ITGA1: variants seen among roughly 807,000 people sequenced by gnomAD.
ITGA1 encodes the protein integrin alpha-1.
In ITGA1, 85 loss-of-function variants were observed where a neutral mutation model predicts 145.9. The observed-to-expected ratio is 0.58, with a 90% CI of 0.49 to 0.70. The LOEUF (loss-of-function observed/expected upper bound fraction) is 0.70. ITGA1 is among the 30% of genes least tolerant of loss of function. ITGA1 has a pLI of 0.00. For missense variants in ITGA1, 1,351 were observed against 1,418.7 expected, an observed-to-expected ratio of 0.95 and a Z score of 0.77; for synonymous variants, 520 against 495.3, an observed-to-expected ratio of 1.05 and a Z score of -0.66.
At chr5:52,884,192 C>T (rs1750009951) in intron 7 of ITGA1, among the ~76,000 whole-genome samples, 1 of 151,962 alleles carries the variant, frequency 6.6e-6, no homozygotes, top group African/African-American at 2.4e-5. Flanking sequence ...GCCTGTAATC[C>T]CAGCACTTTG....
At position 52,909,054 on chromosome 5, in the gene ITGA1, G is replaced by A. The variant is rs779628996; in HGVS notation, c.1599+13G>A. On this transcript the variant is annotated intron_variant, in intron 13 of 28. Transcript: ENST00000282588. Reference sequence around the variant, plus strand: ...TGCTCTCAATCAGGTAATGGTGTCTGAGTTTGGTAGAAATCCAGGAAAATC... The same window carrying A: ...TGCTCTCAATCAGGTAATGGTGTCTAAGTTTGGTAGAAATCCAGGAAAATC... 4 of 1,597,330 alleles carry A rather than the reference G, an allele frequency of 2.5e-6. No homozygotes were observed. In the Admixed American group the frequency reaches 5.4e-5, roughly 21 times the overall value.
At chr5:52,820,109 G>C (rs1418973258) in intron 1 of ITGA1, among the ~76,000 whole-genome samples, 1 of 151,898 alleles carries the variant, frequency 6.6e-6, no homozygotes, top group Non-Finnish European at 1.5e-5. Flanking sequence ...TTTTGGCTTA[G>C]GATTGACTTG....
At chr5:52,868,077 A>G (rs143816974) in intron 6 of ITGA1, among the ~76,000 whole-genome samples, 2 of 152,212 alleles carry the variant, frequency 1.3e-5, no homozygotes, top group Non-Finnish European at 2.9e-5. Context: ...ACTTTTGCCC[A>G]TGATGTGCTT....
intron 9 of ITGA1, among the ~76,000 whole-genome samples, chr5:52,894,513 TA>T (rs1750197248): frequency 6.6e-6 from 1 of 151,092 alleles, no homozygotes; most frequent in Non-Finnish European, 1.5e-5. Flanking sequence ...CGATCTTTCC[TA>T]AAAAACAAAA....
At chr5:52,945,367 T>C (rs1406040568) in intron 27 of ITGA1, among the ~76,000 whole-genome samples, 1 of 152,176 alleles carries the variant, frequency 6.6e-6, no homozygotes, top group Non-Finnish European at 1.5e-5. Flanking sequence ...GCTGACATTA[T>C]AAAATGCAGC....
chr5:52,864,992 T>A lies in ITGA1; in HGVS notation c.406T>A (p.Tyr136Asn). ...AAAGGCTTGTGGGCCCTTATATGCC[T>A]ATAGATGTGGACATTTGCATTACAC... Reference protein sequence around the residue: ...GFLACGPLYAYRCGHLHYTTG... With the variant: ...GFLACGPLYANRCGHLHYTTG... Residue 136 changes from tyrosine to asparagine, a missense_variant, in exon 5 of 29, where the codon TAT becomes AAT. Tyr to Asn is a moderately radical substitution (Grantham distance 143). Transcript: ENST00000282588. The A allele has an allele frequency of 6.2e-7, 1 of 1,613,346 alleles. No homozygotes were observed. The highest frequency in any genetic ancestry group is 8.5e-7 in the Non-Finnish European group (1 of 1,179,666).
chr5:52,911,272 TAGTGTATATATAGTATATAC>T (rs1490197783), intron 14 of ITGA1, among the ~76,000 whole-genome samples: 68 of 135,516 alleles, frequency 5.0e-4, no homozygotes, highest in South Asian at 1.4e-3. Context: ...ATAGTATATG[TAGTGTATATATAGTATATAC>T]AGTGTATATA....
At chr5:52,910,677 A>T (rs1750493019) in intron 14 of ITGA1, among the ~76,000 whole-genome samples, 1 of 147,352 alleles carries the variant, frequency 6.8e-6, no homozygotes, top group African/African-American at 2.5e-5. Flanking sequence ...ATATATATAC[A>T]CACTATATAT....
rs377459675 is a variant in ITGA1 at position 52,893,044 on chromosome 5, A to G, written c.925-631A>G. Among the ~76,000 whole-genome samples, 157 of 152,250 alleles carry G rather than the reference A, an allele frequency of 1.0e-3. 2 individuals are homozygous for G. In the South Asian group the frequency reaches 0.031, roughly 30 times the overall value. ...TAAATGTTTGAGAAAACCTGCTTGG[A>G]CATCTAAATAATTATAGTTAACAAT... On this transcript the variant is annotated intron_variant, in intron 8 of 28. Coordinates refer to ENST00000282588, the MANE Select transcript of ITGA1 (RefSeq NM_181501.2).
intron 17 of ITGA1, among the ~76,000 whole-genome samples, chr5:52,922,506 G>A (rs1178475848): frequency 6.6e-6 from 1 of 152,138 alleles, no homozygotes; most frequent in East Asian, 1.9e-4. Flanking sequence ...ACAGCCAAGT[G>A]TGATGTTGCC....
Position 52,881,951 on chromosome 5 carries a change from G to T in ITGA1, c.703G>T (p.Val235Phe). 1 of 1,613,890 alleles carries T rather than the reference G, an allele frequency of 6.2e-7. No individual in the cohort carries two copies. Among genetic ancestry groups the T allele is most frequent in the Non-Finnish European group, 8.5e-7 (1 of 1,179,860 alleles). Residue 235 changes from valine to phenylalanine, a missense_variant, in exon 7 of 29, where the codon GTT becomes TTT. Physicochemically the swap from Val to Phe is conservative, Grantham distance 50. Coordinates refer to ENST00000282588, the MANE Select transcript of ITGA1 (RefSeq NM_181501.2). ...GTATTCTTCCACCGAAGAGGTACTT[G>T]TTGCAGCAAAGAAAATAGTCCAGAG... ...NKYSSTEEVL[V>F]AAKKIVQRGG... is the part of the protein sequence containing the mutation.
intron 1 of ITGA1, among the ~76,000 whole-genome samples, chr5:52,839,087 A>G (rs998936287): frequency 6.6e-6 from 1 of 152,150 alleles, no homozygotes; most frequent in African/African-American, 2.4e-5. Flanking sequence ...ACTGAGTGAG[A>G]CCCTGCCTCA....
At chr5:52,941,511 C>A (rs994966740) in intron 26 of ITGA1, among the ~76,000 whole-genome samples, 2 of 152,096 alleles carry the variant, frequency 1.3e-5, no homozygotes, top group African/African-American at 4.8e-5. Context: ...CTTTTATTTG[C>A]ATTTCTGTAA....
chr5:52,908,233 A>G (rs963785774), intron 12 of ITGA1, among the ~76,000 whole-genome samples: 2 of 152,222 alleles, frequency 1.3e-5, no homozygotes, highest in African/African-American at 4.8e-5. Flanking sequence ...GATAATTGTT[A>G]AGAGCATCAA....
chr5:52,801,095 T>C, intron 1 of ITGA1: 1 of 1,605,878 alleles, frequency 6.2e-7, no homozygotes, highest in Non-Finnish European at 8.5e-7. Flanking sequence ...AAACTGCTCC[T>C]GGAAAACCGG....
At chr5:52,820,626 C>T (rs1748863942) in intron 1 of ITGA1, among the ~76,000 whole-genome samples, 1 of 151,952 alleles carries the variant, frequency 6.6e-6, no homozygotes, top group South Asian at 2.1e-4. Context: ...TTGATGAGAA[C>T]CAGCCCACAT....
intron 1 of ITGA1, among the ~76,000 whole-genome samples, chr5:52,831,537 A>AC (rs1749070120): frequency 2.2e-5 from 2 of 90,658 alleles, no homozygotes; most frequent in Non-Finnish European, 4.7e-5. Flanking sequence ...GAAAGAGAAA[A>AC]GAAAAAAAAA....
chr5:52,794,257 G>A (rs1276951202), intron 1 of ITGA1, among the ~76,000 whole-genome samples: 8 of 151,036 alleles, frequency 5.3e-5, no homozygotes, highest in Admixed American at 5.3e-4. Flanking sequence ...TAGCACCTAA[G>A]TCACTTTAAA....
At chr5:52,907,757 C>T (rs1750434406) in intron 12 of ITGA1, among the ~76,000 whole-genome samples, 1 of 152,202 alleles carries the variant, frequency 6.6e-6, no homozygotes, top group African/African-American at 2.4e-5. Context: ...AACCATGGCC[C>T]TGGGCAGCTT....
Sources: allele counts gnomAD v4.1 joint callset (sites outside exome capture counted in the v4.1 genomes callset), GRCh38; gene constraint gnomAD v4.1.1; transcripts MANE v1.5; gene names NCBI Gene and HGNC (gene_info 2026-07-23, HGNC 2026-07-21).